The following KCTD8 variants were observed in gnomAD, a reference collection of about 807,000 sequenced individuals.
KCTD8 encodes the protein potassium channel tetramerization domain containing 8, also known as BTB/POZ domain-containing protein KCTD8.
A neutral mutation model predicts 31.5 loss-of-function variants in KCTD8; 27 were observed. The ratio of observed to expected loss-of-function variants is 0.86; its 90% CI spans 0.63 to 1.18. The LOEUF is 1.18. Among genes scored for constraint, KCTD8 ranks in the 50% most tolerant of loss-of-function variants. The pLI, the probability that KCTD8 is intolerant of heterozygous loss-of-function variation, is 0.00. For synonymous variants in KCTD8, 290 were observed against 280.0 expected (o/e 1.04, Z -0.36); for missense variants, 658 against 647.7 (o/e 1.02, Z -0.17).
chr4:44,235,191 G>GT lies in KCTD8; in HGVS notation c.962-59942dup, dbSNP rs34823190. ...ATTTCAGACAGTGACAGTGTGCTGA[G>GT]TTTTTTTTTTTTTTTTTATAGACAA... On this transcript the variant is annotated intron_variant, in intron 1 of 1. Transcript: ENST00000360029. 8.8e-3 allele frequency among the ~76,000 whole-genome samples: 1,199 copies of GT among 136,552 alleles called. 5 individuals are homozygous for GT. Among genetic ancestry groups the GT allele is most frequent in the South Asian group, 0.015 (63 of 4,222 alleles). 89.6% of individuals were successfully genotyped at this position (136,552 alleles called of 152,430 possible).
At chr4:44,273,910 G>A (rs965495771) in intron 1 of KCTD8, among the ~76,000 whole-genome samples, 7 of 151,622 alleles carry the variant, frequency 4.6e-5, no homozygotes, top group African/African-American at 1.7e-4. Flanking sequence ...TCAAGTCTGA[G>A]GACAAAAACA....
chr4:44,426,518 CAG>C (rs1721351943), intron 1 of KCTD8, among the ~76,000 whole-genome samples: 1 of 151,450 alleles, frequency 6.6e-6, no homozygotes, highest in Non-Finnish European at 1.5e-5. Flanking sequence ...CAGAAGTTGA[CAG>C]AGAAATAACT....
chr4:44,358,637 C>T (rs1206892906), intron 1 of KCTD8, among the ~76,000 whole-genome samples: 2 of 151,626 alleles, frequency 1.3e-5, no homozygotes, highest in Non-Finnish European at 1.5e-5. Context: ...GGCACGATCT[C>T]GGCTCACCGA....
At chr4:44,392,033 T>A (rs960353327) in intron 1 of KCTD8, among the ~76,000 whole-genome samples, 2 of 152,048 alleles carry the variant, frequency 1.3e-5, no homozygotes, top group East Asian at 1.9e-4. Context: ...TCTTACCAAC[T>A]GTCAGAATTT....
intron 1 of KCTD8, among the ~76,000 whole-genome samples, chr4:44,184,099 G>T (rs889514701): frequency 2.6e-5 from 4 of 152,204 alleles, no homozygotes; most frequent in African/African-American, 9.6e-5. Context: ...CACAACCACA[G>T]TCCCTGATAT....
At chr4:44,423,926 G>C (rs948409852) in intron 1 of KCTD8, among the ~76,000 whole-genome samples, 4 of 152,084 alleles carry the variant, frequency 2.6e-5, no homozygotes, top group African/African-American at 9.7e-5. Context: ...CTCATTCAGA[G>C]ACAGCTTACA....
chr4:44,188,696 A>G (rs1461240052), intron 1 of KCTD8, among the ~76,000 whole-genome samples: 1 of 152,166 alleles, frequency 6.6e-6, no homozygotes, highest in Non-Finnish European at 1.5e-5. Flanking sequence ...TATCCTTACA[A>G]GAGGGAGGTA....
At chr4:44,261,320 C>T (rs1314723047) in intron 1 of KCTD8, among the ~76,000 whole-genome samples, 5 of 151,836 alleles carry the variant, frequency 3.3e-5, no homozygotes, top group Non-Finnish European at 2.9e-5. Context: ...GAGTTGAAAA[C>T]TCAAGTCTTA....
At position 44,175,164 on chromosome 4, in the gene KCTD8, T is replaced by A. The variant is rs751374893; in HGVS notation, c.1048A>T (p.Thr350Ser). The A allele has an allele frequency of 1.2e-6, 2 of 1,613,616 alleles. No individual in the cohort carries two copies. Among genetic ancestry groups the A allele is most frequent in the Non-Finnish European group, 8.5e-7 (1 of 1,179,748 alleles). The change falls in exon 2 of 2, where the codon ACT (threonine) becomes TCT (serine). Residue 350 changes from threonine (T) to serine (S), a missense_variant. Transcript: ENST00000360029. ...KVTDKGSESGTSCNELSTSSC... is the reference protein window; with the variant it reads ...KVTDKGSESGSSCNELSTSSC... ...GAAGTGGAGAGCTCATTACAGGAAG[T>A]CCCACTTTCACTTCCTTTATCAGTG...
At chr4:44,398,882 C>A (rs77182845) in intron 1 of KCTD8, among the ~76,000 whole-genome samples, 4,033 of 152,236 alleles carry the variant, frequency 0.026, 81 homozygotes, top group Non-Finnish European at 0.041. Flanking sequence ...CCAAAGAAGA[C>A]AAGTGTGAGT....
chr4:44,406,692 G>A (rs1720803690), intron 1 of KCTD8, among the ~76,000 whole-genome samples: 1 of 151,996 alleles, frequency 6.6e-6, no homozygotes, highest in Non-Finnish European at 1.5e-5. Context: ...GTGAATCCAG[G>A]AGCATAAATT....
At position 44,447,601 on chromosome 4, in the gene KCTD8, T is replaced by A. The variant is rs965670478; in HGVS notation, c.923A>T (p.Asp308Val). The change falls in exon 1 of 2, where the codon GAC becomes GTC. Residue 308 changes from aspartate to valine, a missense_variant. Coordinates refer to ENST00000360029, the MANE Select transcript of KCTD8 (RefSeq NM_198353.3). ...CTCGGTGTAGCTGCTCCAGATCTTG[T>A]CGTCGCGGTACTGGTTGACGAAGGC... is the stretch of plus-strand genomic sequence containing the variant. ...TAAFVNQYRD[D>V]KIWSSYTEYI... 1.9e-6 allele frequency: 3 copies of A among 1,599,916 alleles called. No individual in the cohort carries two copies. The highest frequency in any genetic ancestry group is 2.6e-6 in the Non-Finnish European group (3 of 1,173,352).
At chr4:44,189,950 TC>T (rs1713712284) in intron 1 of KCTD8, among the ~76,000 whole-genome samples, 1 of 152,100 alleles carries the variant, frequency 6.6e-6, no homozygotes, top group Non-Finnish European at 1.5e-5. Flanking sequence ...ACTGATTCCC[TC>T]CCCCAGCAAA....
chr4:44,390,872 A>G (rs1720354199), intron 1 of KCTD8, among the ~76,000 whole-genome samples: 1 of 151,950 alleles, frequency 6.6e-6, no homozygotes, highest in African/African-American at 2.4e-5. Context: ...TATGGAAAAC[A>G]GTGTGGGGAT....
chr4:44,182,168 TG>T (rs901977715), intron 1 of KCTD8, among the ~76,000 whole-genome samples: 10 of 144,454 alleles, frequency 6.9e-5, no homozygotes, highest in African/African-American at 2.4e-4. Flanking sequence ...GAGAGGGAGG[TG>T]GGGGGGCGCC....
intron 1 of KCTD8, among the ~76,000 whole-genome samples, chr4:44,417,660 C>T (rs1443341963): frequency 1.3e-4 from 1 of 7,934 alleles, no homozygotes; most frequent in African/African-American, 3.0e-4. Flanking sequence ...CATGCTTAAT[C>T]ATACTTTTGA....
chr4:44,391,201 A>G (rs1378992568), intron 1 of KCTD8, among the ~76,000 whole-genome samples: 1 of 151,942 alleles, frequency 6.6e-6, no homozygotes, highest in Non-Finnish European at 1.5e-5. Context: ...GTGAGGGATA[A>G]AAGACTACAC....
At chr4:44,179,932 C>T (rs1030687196) in intron 1 of KCTD8, among the ~76,000 whole-genome samples, 12 of 151,922 alleles carry the variant, frequency 7.9e-5, no homozygotes, top group East Asian at 5.8e-4. Context: ...TGTGGATGCC[C>T]GCTAATTGCA....
At chr4:44,329,915 T>C (rs773300201) in intron 1 of KCTD8, among the ~76,000 whole-genome samples, 29 of 152,048 alleles carry the variant, frequency 1.9e-4, no homozygotes, top group Non-Finnish European at 3.4e-4. Context: ...TGACTTTTCA[T>C]TGAAGACCAC....
Sources: allele counts gnomAD v4.1 joint callset (sites outside exome capture counted in the v4.1 genomes callset), GRCh38; gene constraint gnomAD v4.1.1; transcripts MANE v1.5; gene names NCBI Gene and HGNC (gene_info 2026-07-23, HGNC 2026-07-21).